The following PPTC7 variants were observed in gnomAD, a reference collection of about 807,000 sequenced individuals.
The protein encoded by PPTC7 is protein phosphatase targeting COQ7.
PPTC7 carries 6 observed loss-of-function variants against 30.8 expected under a neutral mutation model. That is an observed-to-expected ratio of 0.19 (90% CI 0.11 to 0.38). PPTC7 has a LOEUF of 0.38. Among genes scored for constraint, PPTC7 ranks in the 10% least tolerant of loss-of-function variants. The probability of loss-of-function intolerance (pLI) is 1.00; values close to 1 mark genes in which losing one functional copy is unlikely to be tolerated. For missense variants in PPTC7, 218 were observed against 404.8 expected (o/e 0.54, Z 3.96); for synonymous variants, 163 against 168.1 (o/e 0.97, Z 0.23).
At chr12:110,573,752 C>T (rs536034485) in intron 1 of PPTC7, among the ~76,000 whole-genome samples, 5 of 151,952 alleles carry the variant, frequency 3.3e-5, no homozygotes, top group Non-Finnish European at 5.9e-5. Flanking sequence ...GAGGCCGAGG[C>T]GGGCAGATTA....
chr12:110,579,781 G>A (rs947986192), intron 1 of PPTC7, among the ~76,000 whole-genome samples: 1 of 152,188 alleles, frequency 6.6e-6, no homozygotes, highest in South Asian at 2.1e-4. Context: ...GGGAGGCCGA[G>A]GCTGGTGGAT....
At position 110,583,005 on chromosome 12, in the gene PPTC7, C is replaced by T; in HGVS notation, c.27G>A (p.Arg9=). Residue 9 remains arginine, a synonymous_variant, in exon 1 of 6, where the codon CGG becomes CGA. Coordinates refer to ENST00000354300, the MANE Select transcript of PPTC7 (RefSeq NM_139283.2). The part of the protein sequence containing the change: MFSVLSYG[R]LVARAVLGGL... ...CGCCGAGCACGGCGCGGGCCACCAG[C>T]CGCCCGTACGAGAGGACCGAGAACA... is the stretch of plus-strand genomic sequence containing the variant. 2.0e-6 allele frequency: 3 copies of T among 1,490,626 alleles called. No individual in the cohort carries two copies. The highest frequency in any genetic ancestry group is 2.7e-6 in the Non-Finnish European group (3 of 1,126,528). 92.3% of individuals were successfully genotyped at this position (1,490,626 alleles called of 1,614,324 possible).
At chr12:110,546,339 CAGAA>C (rs1312260980) in intron 2 of PPTC7, 4 of 463,880 alleles carry the variant, frequency 8.6e-6, no homozygotes, top group Non-Finnish European at 1.6e-5. Flanking sequence ...TTTGCATTGA[CAGAA>C]AGCAATAAAA....
intron 1 of PPTC7, among the ~76,000 whole-genome samples, chr12:110,563,617 A>C (rs908850457): frequency 4.5e-5 from 6 of 132,140 alleles, no homozygotes; most frequent in African/African-American, 1.9e-4. Flanking sequence ...ATCTGTCTCA[A>C]AAAAAAAAAA....
At chr12:110,574,643 A>G (rs1035803813) in intron 1 of PPTC7, among the ~76,000 whole-genome samples, 1 of 152,222 alleles carries the variant, frequency 6.6e-6, no homozygotes, top group Admixed American at 6.5e-5. Flanking sequence ...ATGAATAATA[A>G]GTCGTGTGTT....
At chr12:110,578,230 G>A (rs2064605337) in intron 1 of PPTC7, among the ~76,000 whole-genome samples, 2 of 152,176 alleles carry the variant, frequency 1.3e-5, no homozygotes, top group Admixed American at 1.3e-4. Flanking sequence ...GTAGCATAAG[G>A]CTGTGGGAAG....
At chr12:110,548,301 A>G (rs2064325244) in intron 2 of PPTC7, among the ~76,000 whole-genome samples, 1 of 152,210 alleles carries the variant, frequency 6.6e-6, no homozygotes, top group African/African-American at 2.4e-5. Context: ...AATTTTTATT[A>G]TTAATTTTGT....
At chr12:110,546,674 A>G (rs1460224976) in intron 2 of PPTC7, 1 of 157,004 alleles carries the variant, frequency 6.4e-6, no homozygotes, top group African/African-American at 2.4e-5. Context: ...TTCATTCGAC[A>G]GAGACTCTGG....
chr12:110,565,048 G>T (rs1238508157), intron 1 of PPTC7, among the ~76,000 whole-genome samples: 3 of 150,486 alleles, frequency 2.0e-5, no homozygotes, highest in Non-Finnish European at 3.0e-5. Context: ...TTCATTTTTT[G>T]AATTTTTAGT....
intron 2 of PPTC7, among the ~76,000 whole-genome samples, chr12:110,549,399 CTT>C (rs1333149797): frequency 6.6e-6 from 1 of 151,732 alleles, no homozygotes; most frequent in African/African-American, 2.4e-5. Context: ...ACCTAACTAA[CTT>C]ATCTGGTAAA....
intron 1 of PPTC7, among the ~76,000 whole-genome samples, chr12:110,577,188 A>T (rs189644483): frequency 3.1e-4 from 46 of 149,642 alleles, no homozygotes; most frequent in Middle Eastern, 3.5e-3. Context: ...AAAAAAAAAA[A>T]TTCACTCAGG....
intron 1 of PPTC7, among the ~76,000 whole-genome samples, chr12:110,568,413 C>T (rs1290675156): frequency 2.0e-5 from 3 of 151,958 alleles, no homozygotes; most frequent in East Asian, 1.9e-4. Flanking sequence ...CCACCACGCC[C>T]GGCTAATTTT....
At chr12:110,544,963 C>CT (rs1565917782) in intron 3 of PPTC7, among the ~76,000 whole-genome samples, 1 of 152,158 alleles carries the variant, frequency 6.6e-6, no homozygotes, top group African/African-American at 2.4e-5. Context: ...TCCAAGACCA[C>CT]TTTTTTTAAA....
intron 1 of PPTC7, among the ~76,000 whole-genome samples, chr12:110,559,688 T>C (rs73191845): frequency 0.12 from 16,616 of 143,380 alleles, 1,123 homozygotes; most frequent in African/African-American, 0.2. Context: ...ATTGCATCAC[T>C]GCACCCCAGC....
In PPTC7 at chr12:110,565,380, T is replaced by C. The variant is rs2064475287; in HGVS notation, c.224-13412A>G. ...CAAGCGATTCTCTGCCTCAGCCTCCTGAGTAGCTGGGATTACAGGCGCCCA... is the reference window on the plus strand; with the variant it reads ...CAAGCGATTCTCTGCCTCAGCCTCCCGAGTAGCTGGGATTACAGGCGCCCA... On this transcript the variant is annotated intron_variant, in intron 1 of 5. Coordinates refer to ENST00000354300, the MANE Select transcript of PPTC7 (RefSeq NM_139283.2). 2.0e-5 allele frequency among the ~76,000 whole-genome samples: 3 copies of C among 152,000 alleles called. No homozygotes were observed. The South Asian group carries it at 6.2e-4, about 31-fold the overall frequency.
Position 110,536,836 on chromosome 12 carries a change from G to A in PPTC7, c.*201C>T. 1 of 510,100 alleles carries A rather than the reference G, an allele frequency of 2.0e-6. No homozygotes were observed. The highest frequency in any genetic ancestry group is 3.5e-6 in the Non-Finnish European group (1 of 288,990). The allele number at this position is 510,100 out of a possible 1,614,324, so 31.6% of individuals were successfully genotyped here. The stretch of plus-strand genomic sequence containing the variant: ...CTTCAAATATTGGATCTCTTCAATT[G>A]CTGCCGGCAGATATGAGCTAGTGAA... On this transcript the variant is annotated 3_prime_UTR_variant, in exon 6 of 6. Coordinates refer to ENST00000354300, the MANE Select transcript of PPTC7 (RefSeq NM_139283.2).
rs563988846 is a variant in PPTC7, at chr12:110,553,124, G to A, written c.224-1156C>T. Among the ~76,000 whole-genome samples the A allele has an allele frequency of 4.3e-4, 65 of 150,696 alleles. 1 individual carries two copies. The highest frequency in any genetic ancestry group is 6.6e-4 in the Non-Finnish European group (45 of 67,670). The stretch of plus-strand genomic sequence containing the variant: ...CTTGAACCTGGGAAGTGGAGGTTGC[G>A]GTGAGCCGAGATCGCGCCATTGCAT... On this transcript the variant is annotated intron_variant, in intron 1 of 5. Coordinates refer to ENST00000354300, the MANE Select transcript of PPTC7 (RefSeq NM_139283.2).
chr12:110,574,028 T>A (rs1023533373), intron 1 of PPTC7, among the ~76,000 whole-genome samples: 8 of 150,386 alleles, frequency 5.3e-5, no homozygotes, highest in African/African-American at 2.0e-4. Flanking sequence ...GCTGGGCACG[T>A]GGTTCATGCC....
chr12:110,582,098 G>A (rs886179196), intron 1 of PPTC7, among the ~76,000 whole-genome samples: 28 of 152,178 alleles, frequency 1.8e-4, no homozygotes, highest in African/African-American at 6.5e-4. Flanking sequence ...GGCCTGAAAA[G>A]GCTGTGACCA....
Sources: gnomAD v4.1 joint callset for allele counts (sites outside exome capture counted in the v4.1 genomes callset) on GRCh38, gnomAD v4.1.1 for gene constraint, MANE v1.5 for transcripts, NCBI Gene and HGNC (gene_info 2026-07-23, HGNC 2026-07-21) for gene names.